FAM24B: variants seen among roughly 807,000 people sequenced by gnomAD.
FAM24B encodes the protein protein FAM24B.
FAM24B carries 3 observed loss-of-function variants against 2.3 expected under a neutral mutation model. The observed-to-expected ratio is 1.29, with a 90% CI of 0.59 to 3.32. FAM24B has a LOEUF of 3.32. Among genes scored for constraint, FAM24B ranks in the 30% most tolerant of loss-of-function variants. FAM24B has a pLI of 0.03. For synonymous variants in FAM24B, 36 were observed against 46.3 expected (o/e 0.78, Z 0.90); for missense variants, 98 against 117.2 (o/e 0.84, Z 0.76).
intron 1 of FAM24B, among the ~76,000 whole-genome samples, chr10:122,870,862 T>G (rs1046058177): frequency 2.6e-5 from 4 of 152,198 alleles, no homozygotes; most frequent in Admixed American, 2.6e-4. Flanking sequence ...AGCATTCCCT[T>G]TGAAAACTGG....
intron 1 of FAM24B, among the ~76,000 whole-genome samples, chr10:122,864,974 A>G (rs558640691): frequency 3.9e-5 from 6 of 152,364 alleles, no homozygotes; most frequent in African/African-American, 1.4e-4. Context: ...ACTGAAGGAC[A>G]TCTTAGTTGC....
At chr10:122,859,827 T>C (rs1200459027) in intron 1 of FAM24B, among the ~76,000 whole-genome samples, 1 of 152,166 alleles carries the variant, frequency 6.6e-6, no homozygotes, top group African/African-American at 2.4e-5. Flanking sequence ...CCTTCCGAGA[T>C]GCCCCATTGA....
chr10:122,857,009 G>A (rs1444577624), intron 1 of FAM24B, among the ~76,000 whole-genome samples: 1 of 152,140 alleles, frequency 6.6e-6, no homozygotes, highest in Non-Finnish European at 1.5e-5. Context: ...GTGATTGTAG[G>A]AATGAGGTTC....
rs1847841402 is a variant in FAM24B at position 122,868,641 on chromosome 10, AG to A, written c.-178+10843del. ...GGGGGCCAATATTCAACATTCTTAA[AG>A]AAAAGAATTTTCAACCCAGAATTTC... On this transcript the variant is annotated intron_variant, in intron 1 of 3. Transcript: ENST00000368898. Among the ~76,000 whole-genome samples, 3 of 152,318 alleles carry A rather than the reference AG, an allele frequency of 2.0e-5. No individual in the cohort carries two copies. The East Asian group carries it at 5.8e-4, about 29-fold the overall frequency.
intron 2 of FAM24B, among the ~76,000 whole-genome samples, chr10:122,851,484 C>T (rs965939883): frequency 7.9e-5 from 12 of 152,338 alleles, no homozygotes; most frequent in South Asian, 2.1e-4. Context: ...GTGACATCAA[C>T]GCTCTGGACA....
chr10:122,854,645 T>A, intron 2 of FAM24B, among the ~76,000 whole-genome samples: 1 of 152,240 alleles, frequency 6.6e-6, no homozygotes, highest in Admixed American at 6.5e-5. Flanking sequence ...ATGATTCACA[T>A]GTGGTGACTG....
intron 1 of FAM24B, among the ~76,000 whole-genome samples, chr10:122,858,648 G>A (rs1847679011): frequency 6.6e-6 from 1 of 152,112 alleles, no homozygotes; most frequent in African/African-American, 2.4e-5. Flanking sequence ...ATTCTTGAAT[G>A]TGCACCTTCG....
chr10:122,875,786 GCCGATAAGATCT>G (rs1566269903), intron 1 of FAM24B, among the ~76,000 whole-genome samples: 1 of 152,064 alleles, frequency 6.6e-6, no homozygotes, highest in East Asian at 1.9e-4. Context: ...TCAACGGCTT[GCCGATAAGATCT>G]CAGGAGTTGG....
In FAM24B at chr10:122,879,507, C is replaced by A. The variant is rs36212727; in HGVS notation, c.-200G>T. ...TACCTGACCATAGACGCTCCCCATC[C>A]GCCCAGCAACCGTGGTCCATGCTGC... On this transcript the variant is annotated 5_prime_UTR_variant, in exon 1 of 4. Transcript: ENST00000368898. The A allele has an allele frequency of 6.6e-6, 1 of 152,498 alleles. No homozygotes were observed. Among genetic ancestry groups the A allele is most frequent in the African/African-American group, 2.4e-5 (1 of 41,472 alleles). The allele number at this position is 152,498 out of a possible 1,614,324, so 9.4% of individuals were successfully genotyped here.
intron 1 of FAM24B, among the ~76,000 whole-genome samples, chr10:122,873,732 A>G (rs930049109): frequency 6.6e-6 from 1 of 152,188 alleles, no homozygotes; most frequent in African/African-American, 2.4e-5. Context: ...TAGATTTTAG[A>G]TCATTCTTTT....
chr10:122,855,187 T>C (rs1847617343), intron 2 of FAM24B: 1 of 152,234 alleles, frequency 6.6e-6, no homozygotes, highest in South Asian at 2.1e-4. Flanking sequence ...GTGAACAATA[T>C]GCAATCGGAT....
chr10:122,863,072 A>G (rs1847751700), intron 1 of FAM24B, among the ~76,000 whole-genome samples: 1 of 152,182 alleles, frequency 6.6e-6, no homozygotes, highest in Non-Finnish European at 1.5e-5. Flanking sequence ...AGACATCAGA[A>G]CCATCTTTCC....
At chr10:122,853,341 T>C (rs559839608) in intron 2 of FAM24B, among the ~76,000 whole-genome samples, 1 of 152,250 alleles carries the variant, frequency 6.6e-6, no homozygotes, top group Non-Finnish European at 1.5e-5. Context: ...ATCCAGCCCA[T>C]ATCTCAACAT....
intron 3 of FAM24B, 70 bp from the exon 4 acceptor site, chr10:122,849,509 G>A: frequency 7.2e-7 from 1 of 1,390,920 alleles, no homozygotes; most frequent in Non-Finnish European, 9.8e-7. Context: ...AGAACTGTTG[G>A]GGGGTATCTG....
At chr10:122,862,246 C>G (rs560025034) in intron 1 of FAM24B, among the ~76,000 whole-genome samples, 44 of 152,258 alleles carry the variant, frequency 2.9e-4, no homozygotes, top group African/African-American at 9.4e-4. Flanking sequence ...ATCTTATCAC[C>G]TTGTTTAATT....
At chr10:122,869,270 C>A (rs1177677145) in intron 1 of FAM24B, among the ~76,000 whole-genome samples, 1 of 152,070 alleles carries the variant, frequency 6.6e-6, no homozygotes, top group Admixed American at 6.5e-5. Context: ...ACAGGAGCAC[C>A]CAGATTCATA....
At chr10:122,862,245 C>T (rs973347823) in intron 1 of FAM24B, among the ~76,000 whole-genome samples, 4 of 152,182 alleles carry the variant, frequency 2.6e-5, no homozygotes, top group Non-Finnish European at 4.4e-5. Flanking sequence ...TATCTTATCA[C>T]CTTGTTTAAT....
intron 1 of FAM24B, among the ~76,000 whole-genome samples, chr10:122,858,727 ACTGT>A (rs1847680301): frequency 6.6e-6 from 1 of 152,072 alleles, no homozygotes; most frequent in Non-Finnish European, 1.5e-5. Context: ...GGTAGCCCTC[ACTGT>A]CTGTGGGGCA....
intron 1 of FAM24B, among the ~76,000 whole-genome samples, chr10:122,860,181 T>C (rs1051385216): frequency 3.3e-5 from 5 of 152,186 alleles, no homozygotes; most frequent in African/African-American, 1.2e-4. Context: ...TTCCCTTCTG[T>C]GGCCCCTACA....
Sources: allele counts gnomAD v4.1 joint callset (sites outside exome capture counted in the v4.1 genomes callset), GRCh38; gene constraint gnomAD v4.1.1; transcripts MANE v1.5; gene names NCBI Gene and HGNC (gene_info 2026-07-23, HGNC 2026-07-21).